KCTD16: variants seen among roughly 807,000 people sequenced by gnomAD.
The protein encoded by KCTD16 is potassium channel tetramerization domain containing 16.
KCTD16 carries 13 observed loss-of-function variants against 33.2 expected under a neutral mutation model. The ratio of observed to expected loss-of-function variants is 0.39; its 90% CI spans 0.25 to 0.62. KCTD16 has a LOEUF of 0.62. Ranked by LOEUF, KCTD16 falls within the 20% of genes least tolerant of loss-of-function variation. The pLI, the probability that KCTD16 is intolerant of heterozygous loss-of-function variation, is 0.50. For synonymous variants in KCTD16, 197 were observed against 195.3 expected, an observed-to-expected ratio of 1.01 and a Z score of -0.07; for missense variants, 441 against 525.1, an observed-to-expected ratio of 0.84 and a Z score of 1.57.
intron 3 of KCTD16, among the ~76,000 whole-genome samples, chr5:144,316,123 C>T (rs1307776174): frequency 1.3e-5 from 2 of 151,830 alleles, no homozygotes; most frequent in East Asian, 1.9e-4. Flanking sequence ...GTTGTTACAA[C>T]AACAGGTACC....
At chr5:144,398,708 ACTCTCTCTCT>A (rs367796082) in intron 3 of KCTD16, among the ~76,000 whole-genome samples, 2 of 145,454 alleles carry the variant, frequency 1.4e-5, no homozygotes, top group East Asian at 4.0e-4. Context: ...ACACACACAC[ACTCTCTCTCT>A]CTCTCTCTCT....
intron 3 of KCTD16, among the ~76,000 whole-genome samples, chr5:144,365,440 G>A (rs1751811749): frequency 6.6e-6 from 1 of 152,162 alleles, no homozygotes; most frequent in Non-Finnish European, 1.5e-5. Flanking sequence ...GAGAGAGAAA[G>A]AGAGAGAGAC....
chr5:144,347,493 G>T lies in KCTD16; in HGVS notation c.833-126167G>T, dbSNP rs190725867. Reference sequence around the variant, plus strand: ...ACCTGCAATCCCAGCTACTTGGGAGGCTGAAGCAGGAGAATCGCTTGAACT... The same window carrying T: ...ACCTGCAATCCCAGCTACTTGGGAGTCTGAAGCAGGAGAATCGCTTGAACT... On this transcript the variant is annotated intron_variant, in intron 3 of 3. Coordinates refer to ENST00000512467, the MANE Select transcript of KCTD16 (RefSeq NM_020768.4). 3.0e-4 allele frequency among the ~76,000 whole-genome samples: 45 copies of T among 152,288 alleles called. No homozygotes were observed. In the East Asian group the frequency reaches 8.5e-3, roughly 29 times the overall value.
intron 3 of KCTD16, among the ~76,000 whole-genome samples, chr5:144,341,445 C>T (rs926045433): frequency 6.6e-6 from 1 of 152,282 alleles, no homozygotes; most frequent in African/African-American, 2.4e-5. Context: ...CAGCTTATCC[C>T]ATGGAGCCCT....
At chr5:144,365,529 C>A (rs922140599) in intron 3 of KCTD16, among the ~76,000 whole-genome samples, 2 of 152,084 alleles carry the variant, frequency 1.3e-5, no homozygotes, top group Non-Finnish European at 2.9e-5. Flanking sequence ...ATTCAGGTAA[C>A]CTAATTACAT....
intron 3 of KCTD16, among the ~76,000 whole-genome samples, chr5:144,367,529 T>C (rs1751864432): frequency 6.6e-6 from 1 of 152,128 alleles, no homozygotes; most frequent in Non-Finnish European, 1.5e-5. Context: ...TTTCTATGCC[T>C]CTCAGTTTCA....
At chr5:144,236,633 G>A (rs753537730) in intron 3 of KCTD16, among the ~76,000 whole-genome samples, 6 of 152,160 alleles carry the variant, frequency 3.9e-5, no homozygotes, top group Admixed American at 1.3e-4. Context: ...GGATAGTAAG[G>A]TAGGCAGGGT....
chr5:144,312,855 G>C (rs1005674229), intron 3 of KCTD16, among the ~76,000 whole-genome samples: 1 of 152,198 alleles, frequency 6.6e-6, no homozygotes, highest in Admixed American at 6.5e-5. Flanking sequence ...CATTCTGTAA[G>C]GGGAAGTGAC....
chr5:144,177,356 A>T (rs1752529931), intron 2 of KCTD16, among the ~76,000 whole-genome samples: 1 of 152,238 alleles, frequency 6.6e-6, no homozygotes. Flanking sequence ...AATAGAATTC[A>T]GACTGGATTA....
chr5:144,372,229 G>C (rs977553720), intron 3 of KCTD16, among the ~76,000 whole-genome samples: 1 of 148,972 alleles, frequency 6.7e-6, no homozygotes, highest in African/African-American at 2.5e-5. Context: ...GTCTACAAAT[G>C]TGAATAACAG....
intron 3 of KCTD16, among the ~76,000 whole-genome samples, chr5:144,303,812 G>T (rs1751511150): frequency 6.6e-6 from 1 of 152,108 alleles, no homozygotes. Context: ...TTCATAAGTT[G>T]GTTGGATTTG....
intron 3 of KCTD16, among the ~76,000 whole-genome samples, chr5:144,305,276 C>A (rs186813710): frequency 6.6e-6 from 1 of 152,024 alleles, no homozygotes; most frequent in Non-Finnish European, 1.5e-5. Flanking sequence ...GAAGATCTAC[C>A]AGCAAAGGTT....
chr5:144,309,114 G>A (rs967746503), intron 3 of KCTD16, among the ~76,000 whole-genome samples: 1 of 152,098 alleles, frequency 6.6e-6, no homozygotes, highest in Non-Finnish European at 1.5e-5. Context: ...CACATTTCAC[G>A]CTGCCTTTTT....
At chr5:144,275,346 C>A (rs577298096) in intron 3 of KCTD16, among the ~76,000 whole-genome samples, 1 of 152,234 alleles carries the variant, frequency 6.6e-6, no homozygotes, top group East Asian at 1.9e-4. Flanking sequence ...TGACTCATTG[C>A]ACCTAATAAC....
intron 3 of KCTD16, among the ~76,000 whole-genome samples, chr5:144,459,665 T>C (rs906281422): frequency 6.6e-6 from 1 of 151,830 alleles, no homozygotes; most frequent in African/African-American, 2.4e-5. Flanking sequence ...GTCCATTCTC[T>C]AGATAGCAGC....
intron 3 of KCTD16, among the ~76,000 whole-genome samples, chr5:144,378,536 A>G (rs2126929257): frequency 6.6e-6 from 1 of 152,288 alleles, no homozygotes; most frequent in Middle Eastern, 3.4e-3. Flanking sequence ...TTAGTTTCAG[A>G]TGTGTGCAAT....
At chr5:144,315,413 T>C (rs1751877637) in intron 3 of KCTD16, among the ~76,000 whole-genome samples, 1 of 152,192 alleles carries the variant, frequency 6.6e-6, no homozygotes, top group African/African-American at 2.4e-5. Context: ...ATTTCTAAAA[T>C]ATAAATATTT....
chr5:144,408,904 G>A (rs906825887), intron 3 of KCTD16, among the ~76,000 whole-genome samples: 54 of 152,060 alleles, frequency 3.6e-4, no homozygotes, highest in African/African-American at 1.0e-3. Context: ...CAGGTCAAAT[G>A]CCACCTTTTC....
At position 144,207,527 on chromosome 5, in the gene KCTD16, C is replaced by T; in HGVS notation, c.813C>T (p.Tyr271=). 1 of 1,612,660 alleles carries T rather than the reference C, an allele frequency of 6.2e-7. No individual in the cohort carries two copies. Among genetic ancestry groups the T allele is most frequent in the Non-Finnish European group, 8.5e-7 (1 of 1,179,030 alleles). ...QYTDDKIWSS[Y]TEYVFYREPS... is the part of the protein sequence containing the mutation. ...CAGATGACAAGATCTGGTCAAGCTA[C>T]ACTGAATATGTCTTCTACCGTAAGT... Residue 271 remains tyrosine (Y), a synonymous_variant, in exon 3 of 4, where the codon TAC becomes TAT. Coordinates refer to ENST00000512467, the MANE Select transcript of KCTD16 (RefSeq NM_020768.4).
Sources: gnomAD v4.1 joint callset for allele counts (sites outside exome capture counted in the v4.1 genomes callset) on GRCh38, gnomAD v4.1.1 for gene constraint, MANE v1.5 for transcripts, NCBI Gene and HGNC (gene_info 2026-07-23, HGNC 2026-07-21) for gene names.